FAM81A: variants seen among roughly 807,000 people sequenced by gnomAD.
FAM81A encodes family with sequence similarity 81 member A.
A neutral mutation model predicts 46.7 loss-of-function variants in FAM81A; 19 were observed. That is an observed-to-expected ratio of 0.41 (90% CI 0.28 to 0.60). The LOEUF is 0.60. FAM81A is among the 20% of genes least tolerant of loss of function. The probability of loss-of-function intolerance (pLI) is 0.34; values close to 1 mark genes in which losing one functional copy is unlikely to be tolerated. For synonymous variants in FAM81A, 183 were observed against 152.9 expected (o/e 1.20, Z -1.45); for missense variants, 377 against 453.5 (o/e 0.83, Z 1.53).
intron 1 of FAM81A, among the ~76,000 whole-genome samples, chr15:59,451,223 G>C (rs1441600309): frequency 6.6e-6 from 1 of 152,162 alleles, no homozygotes; most frequent in African/African-American, 2.4e-5. Flanking sequence ...AAGAAAAGTA[G>C]CTGGCAGATA....
intron 4 of FAM81A, among the ~76,000 whole-genome samples, chr15:59,504,579 CACTA>C (rs1404308599): frequency 6.6e-6 from 1 of 152,172 alleles, no homozygotes; most frequent in Admixed American, 6.5e-5. Flanking sequence ...TCCATTTACT[CACTA>C]TTGTTTTTTG....
Position 59,447,400 on chromosome 15 carries a change from A to G in FAM81A, c.-78+9118A>G, listed in dbSNP as rs532881350. On this transcript the variant is annotated intron_variant, in intron 1 of 8. Transcript: ENST00000288228. ...ACCATAATGCCATGTGCGTTCCTCA[A>G]TGTGCTAGCCCAGTATATTTCTTCC... Among the ~76,000 whole-genome samples the G allele has an allele frequency of 6.2e-4, 94 of 152,316 alleles. No individual in the cohort carries two copies. In the South Asian group the frequency reaches 7.7e-3, roughly 12 times the overall value.
chr15:59,404,808 C>T (rs1160229249), intron 2 of FAM81A, among the ~76,000 whole-genome samples: 2 of 152,234 alleles, frequency 1.3e-5, no homozygotes, highest in Non-Finnish European at 1.5e-5. Flanking sequence ...ACTTGCTATA[C>T]TGTTCAAAAC....
chr15:59,440,722 G>A (rs184068207), intron 1 of FAM81A, among the ~76,000 whole-genome samples: 56 of 152,256 alleles, frequency 3.7e-4, no homozygotes, highest in African/African-American at 1.3e-3. Flanking sequence ...GAGGACCCTG[G>A]TCCCTTAAGC....
intron 3 of FAM81A, among the ~76,000 whole-genome samples, chr15:59,467,635 A>C (rs1002029968): frequency 6.6e-6 from 1 of 152,184 alleles, no homozygotes; most frequent in Non-Finnish European, 1.5e-5. Context: ...TTCTAAATAT[A>C]CAATCATGTC....
intron 3 of FAM81A, among the ~76,000 whole-genome samples, chr15:59,482,593 A>T (rs184259384): frequency 6.6e-6 from 1 of 152,324 alleles, no homozygotes; most frequent in African/African-American, 2.4e-5. Flanking sequence ...ACAGTGTATT[A>T]GGCGCTGGGC....
At chr15:59,436,818 C>G (rs959431221), upstream of FAM81A, among the ~76,000 whole-genome samples, 1 of 152,160 alleles carries the variant, frequency 6.6e-6, no homozygotes, top group Non-Finnish European at 1.5e-5. Flanking sequence ...ACCAGATCTA[C>G]ACATCACAAG....
upstream of FAM81A, among the ~76,000 whole-genome samples, chr15:59,434,563 C>A (rs1431059563): frequency 6.6e-6 from 1 of 152,234 alleles, no homozygotes; most frequent in Non-Finnish European, 1.5e-5. Context: ...GCCTTCTCAT[C>A]TGTGTCTTCT....
chr15:59,453,388 T>A (rs763531363), intron 1 of FAM81A, among the ~76,000 whole-genome samples: 1 of 152,218 alleles, frequency 6.6e-6, no homozygotes, highest in African/African-American at 2.4e-5. Context: ...TGAATTAAAC[T>A]AATGCACATA....
intron 4 of FAM81A, among the ~76,000 whole-genome samples, chr15:59,500,674 T>G (rs1168584175): frequency 2.6e-5 from 4 of 151,792 alleles, no homozygotes; most frequent in African/African-American, 9.7e-5. Flanking sequence ...TTTTGGAGAC[T>G]CTCTTCATTT....
At chr15:59,507,447 G>T in intron 5 of FAM81A, 105 bp downstream of exon 5, 1 of 1,425,174 alleles carries the variant, frequency 7.0e-7, no homozygotes. Context: ...GGGGCATCTA[G>T]CATGGGTTTA....
At position 59,409,880 on chromosome 15, in the gene FAM81A, C is replaced by T. The variant is rs544594148; in HGVS notation, c.-78+7522C>T. On this transcript the variant is annotated intron_variant, in intron 2 of 4. Coordinates refer to the FAM81A transcript ENST00000558348. ...CAGAATTATTAAATTATTGGTGCCA[C>T]AGACATTTTACTGTATCTGTATTAT... Among the ~76,000 whole-genome samples the T allele has an allele frequency of 3.3e-5, 5 of 152,134 alleles. No homozygotes were observed. The East Asian group carries it at 5.8e-4, about 18-fold the overall frequency.
intron 2 of FAM81A, among the ~76,000 whole-genome samples, chr15:59,420,984 GCTGGGATT>G (rs2081168341): frequency 0.17 from 2 of 12 alleles, 1 homozygote. Context: ...CTCCCAAAGT[GCTGGGATT>G]ACAGGCGTGA....
intron 3 of FAM81A, among the ~76,000 whole-genome samples, chr15:59,484,492 C>T (rs1459597193): frequency 6.6e-6 from 1 of 152,184 alleles, no homozygotes; most frequent in African/African-American, 2.4e-5. Context: ...ATCACCAACA[C>T]CACCCCTCCA....
chr15:59,406,105 G>A (rs542939785), intron 2 of FAM81A, among the ~76,000 whole-genome samples: 1 of 152,306 alleles, frequency 6.6e-6, no homozygotes, highest in East Asian at 1.9e-4. Flanking sequence ...ACAGGGGAAT[G>A]GGTGGGTCTG....
At chr15:59,440,686 T>C (rs2081288198) in intron 1 of FAM81A, among the ~76,000 whole-genome samples, 1 of 152,200 alleles carries the variant, frequency 6.6e-6, no homozygotes, top group Non-Finnish European at 1.5e-5. Flanking sequence ...ACTACCCACA[T>C]ACTGCTCTGG....
At position 59,521,430 on chromosome 15, in the gene FAM81A, C is replaced by A. The variant is rs373214466; in HGVS notation, c.*52C>A. ...ACAGTTTTGCCAGTGGGGCTAGGAGCCGGATACCTCTGTAGCCAGGCCATC... is the reference window on the plus strand; with the variant it reads ...ACAGTTTTGCCAGTGGGGCTAGGAGACGGATACCTCTGTAGCCAGGCCATC... On this transcript the variant is annotated 3_prime_UTR_variant, in exon 9 of 9. Coordinates refer to ENST00000288228, the MANE Select transcript of FAM81A (RefSeq NM_152450.3). The A allele has an allele frequency of 1.3e-5, 20 of 1,542,628 alleles. No homozygotes were observed. The highest frequency in any genetic ancestry group is 1.8e-5 in the Non-Finnish European group (20 of 1,142,534).
chr15:59,460,668 T>C lies in FAM81A; in HGVS notation c.294+462T>C. The C allele has an allele frequency of 4.6e-6, 1 of 215,740 alleles. No individual in the cohort carries two copies. Among genetic ancestry groups the C allele is most frequent in the Non-Finnish European group, 9.4e-6 (1 of 106,460 alleles). The allele number at this position is 215,740 out of a possible 1,614,324, so 13.4% of individuals were successfully genotyped here. A position where few individuals can be genotyped will look rare whatever the true frequency, so the allele number is the denominator to read the frequency against. On this transcript the variant is annotated intron_variant, in intron 3 of 8. Transcript: ENST00000288228. The surrounding 1 kb of genome is among the most constrained non-coding windows in gnomAD (Gnocchi z 4.4). Reference sequence around the variant, plus strand: ...TAGGCATTTGGATTGCTCCTCAGACTCCCCTTTTTACTGCTGTAGTTTTCT... The same window carrying C: ...TAGGCATTTGGATTGCTCCTCAGACCCCCCTTTTTACTGCTGTAGTTTTCT...
intron 8 of FAM81A, among the ~76,000 whole-genome samples, chr15:59,518,821 G>A (rs2082295082): frequency 6.7e-6 from 1 of 149,900 alleles, no homozygotes; most frequent in Admixed American, 6.7e-5. Flanking sequence ...AAAAATTGTT[G>A]TGTATATTTA....
Sources: gnomAD v4.1 joint callset for allele counts (sites outside exome capture counted in the v4.1 genomes callset) on GRCh38, gnomAD v4.1.1 for gene constraint, Gnocchi (gnomAD v3.1) non-coding constraint, MANE v1.5 for transcripts, NCBI Gene and HGNC (gene_info 2026-07-23, HGNC 2026-07-21) for gene names.